TLL2: variants seen among roughly 807,000 people sequenced by gnomAD.
TLL2 encodes the protein tolloid-like protein 2.
TLL2 carries 106 observed loss-of-function variants against 123.0 expected under a neutral mutation model. The observed-to-expected ratio is 0.86, with a 90% confidence interval of 0.74 to 1.01. The LOEUF is 1.01. Ranked by LOEUF, TLL2 falls within the 50% of genes least tolerant of loss-of-function variation. The pLI is 0.00. For missense variants in TLL2, 1,332 were observed against 1,336.7 expected (o/e 1.00, Z 0.06); for synonymous variants, 494 against 516.8 (o/e 0.96, Z 0.60).
At chr10:96,509,706 G>C (rs1847609209) in intron 1 of TLL2, among the ~76,000 whole-genome samples, 1 of 152,268 alleles carries the variant, frequency 6.6e-6, no homozygotes, top group Non-Finnish European at 1.5e-5. Flanking sequence ...CCAGCACTTT[G>C]GGAGGCCGAG....
intron 10 of TLL2, among the ~76,000 whole-genome samples, chr10:96,397,777 A>G (rs944807158): frequency 1.3e-5 from 2 of 152,198 alleles, no homozygotes; most frequent in African/African-American, 2.4e-5. Context: ...TTTACATTTC[A>G]CAAGCCTAGT....
chr10:96,400,370 A>ACC (rs1564898917), intron 10 of TLL2, among the ~76,000 whole-genome samples: 6 of 151,130 alleles, frequency 4.0e-5, no homozygotes, highest in Non-Finnish European at 5.9e-5. Flanking sequence ...AAAAAAAAAA[A>ACC]AAAAAAAAAA....
chr10:96,476,248 T>TTTTTTTTTTTGTTGTTG (rs1285354320), intron 2 of TLL2, among the ~76,000 whole-genome samples: 8 of 69,222 alleles, frequency 1.2e-4, no homozygotes, highest in African/African-American at 3.7e-4. Context: ...ATATTTTATT[T>TTTTTTTTTTTGTTGTTG]TTGTTGTTGT....
intron 6 of TLL2, 37 bp downstream of exon 6, chr10:96,422,504 ACCTTCTCG>A (rs1360111672): frequency 2.5e-6 from 4 of 1,608,370 alleles, no homozygotes; most frequent in Middle Eastern, 1.9e-4. Flanking sequence ...TGAGGTTGCC[ACCTTCTCG>A]ACCGGTGCCT....
At chr10:96,392,232 T>G (rs1335342537) in intron 13 of TLL2, among the ~76,000 whole-genome samples, 1 of 152,198 alleles carries the variant, frequency 6.6e-6, no homozygotes, top group Non-Finnish European at 1.5e-5. Flanking sequence ...AGGCACTTCC[T>G]CGGTCTCTTA....
At chr10:96,403,027 G>T (rs560119925) in intron 10 of TLL2, among the ~76,000 whole-genome samples, 1 of 152,276 alleles carries the variant, frequency 6.6e-6, no homozygotes, top group South Asian at 2.1e-4. Context: ...CAAGGACAAA[G>T]TCCTCACTGA....
At chr10:96,434,215 T>C (rs1846771911) in intron 3 of TLL2, among the ~76,000 whole-genome samples, 1 of 152,246 alleles carries the variant, frequency 6.6e-6, no homozygotes, top group South Asian at 2.1e-4. Flanking sequence ...TCACACACCC[T>C]ATTTAGCCTT....
Position 96,459,682 on chromosome 10 carries a change from AAAAAAAAAAAAAAAAAAAAAAAAATAT to A in TLL2, c.287-13541_287-13515del, listed in dbSNP as rs893726546. Among the ~76,000 whole-genome samples the A allele has an allele frequency of 5.9e-5, 3 of 50,634 alleles. 1 individual carries two copies. Among genetic ancestry groups the A allele is most frequent in the African/African-American group, 2.3e-4 (3 of 12,892 alleles). 33.2% of individuals were successfully genotyped at this position (50,634 alleles called of 152,430 possible). A position where few individuals can be genotyped will look rare whatever the true frequency, so the allele number is the denominator to read the frequency against. The stretch of plus-strand genomic sequence containing the variant: ...AAGATCCTGTTTCAAAAAAAAAAAA[AAAAAAAAAAAAAAAAAAAAAAAAATAT>A]ATATATATATATATATATATATAGC... On this transcript the variant is annotated intron_variant, in intron 2 of 20. Coordinates refer to ENST00000357947, the MANE Select transcript of TLL2 (RefSeq NM_012465.4).
At chr10:96,398,374 G>A (rs1303253212) in intron 10 of TLL2, among the ~76,000 whole-genome samples, 1 of 152,112 alleles carries the variant, frequency 6.6e-6, no homozygotes, top group African/African-American at 2.4e-5. Flanking sequence ...CAGGATAGAT[G>A]CCCCCCGCCA....
Position 96,395,219 on chromosome 10 carries a change from T to C in TLL2, c.1694A>G (p.Asn565Ser). 1.2e-6 allele frequency: 2 copies of C among 1,609,576 alleles called. No individual in the cohort carries two copies. The highest frequency in any genetic ancestry group is 1.1e-5 in the South Asian group (1 of 89,896). ...AAAATTGGCTGCAAAGCCCGCTTTA[T>C]TGATAGAGCCATCGGACACAAACTT... ...WMKFVSDGSI[N>S]KAGFAANFFK... The change falls in exon 13 of 21, where the codon AAT (asparagine) becomes AGT (serine). Residue 565 changes from asparagine (N) to serine (S), a missense_variant. Asn to Ser is a conservative substitution (Grantham distance 46, BLOSUM62 1). Coordinates refer to ENST00000357947, the MANE Select transcript of TLL2 (RefSeq NM_012465.4).
intron 19 of TLL2, 129 bp downstream of exon 19, chr10:96,373,467 T>C (rs532172370): frequency 2.4e-6 from 2 of 849,378 alleles, no homozygotes; most frequent in African/African-American, 1.7e-5. Flanking sequence ...TAGGACATTT[T>C]ATCACGCACC....
chr10:96,446,633 G>A (rs1214615067), intron 2 of TLL2, among the ~76,000 whole-genome samples: 1 of 152,122 alleles, frequency 6.6e-6, no homozygotes, highest in African/African-American at 2.4e-5. Context: ...TTGTTACCCT[G>A]TGCACTCTCT....
At chr10:96,481,580 G>C (rs1372084943) in intron 1 of TLL2, among the ~76,000 whole-genome samples, 1 of 152,220 alleles carries the variant, frequency 6.6e-6, no homozygotes, top group Non-Finnish European at 1.5e-5. Context: ...CTGAAAGGAA[G>C]TCATCTCTAT....
chr10:96,398,345 G>C (rs1349476041), intron 10 of TLL2, among the ~76,000 whole-genome samples: 1 of 152,166 alleles, frequency 6.6e-6, no homozygotes, highest in Middle Eastern at 3.2e-3. Context: ...GAACATCCCA[G>C]CAATGCCAGT....
intron 7 of TLL2, among the ~76,000 whole-genome samples, chr10:96,419,195 A>G (rs937974655): frequency 6.6e-6 from 1 of 152,168 alleles, no homozygotes; most frequent in African/African-American, 2.4e-5. Context: ...CTGGAAGAGG[A>G]GGCCCTTCCA....
In TLL2 at chr10:96,370,243, T is replaced by C. The variant is rs772062862; in HGVS notation, c.2735A>G (p.Asn912Ser). 3.1e-6 allele frequency: 5 copies of C among 1,613,280 alleles called. 1 individual carries two copies. In the South Asian group the frequency reaches 4.4e-5, roughly 14 times the overall value. The stretch of plus-strand genomic sequence containing the variant: ...GTCACAGCGGGCCTCGCTCGGGTAG[T>C]TGTTGTCCCCAAACTGGGCGTGGGA... ...LYSHAQFGDN[N>S]YPSEARCDWV... The change falls in exon 20 of 21, where the codon AAC (asparagine) becomes AGC (serine). Residue 912 changes from asparagine to serine, a missense_variant. Asn to Ser is a conservative substitution (Grantham distance 46). Transcript: ENST00000357947.
At chr10:96,512,021 G>A (rs903974423) in intron 1 of TLL2, among the ~76,000 whole-genome samples, 1 of 152,186 alleles carries the variant, frequency 6.6e-6, no homozygotes, top group Non-Finnish European at 1.5e-5. Context: ...GCTACCTGCT[G>A]AGGTTTTCTC....
intron 4 of TLL2, among the ~76,000 whole-genome samples, chr10:96,429,248 G>A (rs1270427363): frequency 6.6e-6 from 1 of 152,120 alleles, no homozygotes; most frequent in African/African-American, 2.4e-5. Context: ...ATGTAAGCAT[G>A]GGTGGTGATG....
At chr10:96,404,303 C>T (rs12764493) in intron 10 of TLL2, among the ~76,000 whole-genome samples, 55,974 of 152,020 alleles carry the variant, frequency 0.37, 11,739 homozygotes, top group Non-Finnish European at 0.48. Context: ...TGTTACACCA[C>T]CTGCCCACTG....
Sources: gnomAD v4.1 joint callset for allele counts (sites outside exome capture counted in the v4.1 genomes callset) on GRCh38, gnomAD v4.1.1 for gene constraint, MANE v1.5 for transcripts, NCBI Gene and HGNC (gene_info 2026-07-23, HGNC 2026-07-21) for gene names.